The following STAT5B variants were observed in gnomAD, a reference collection of about 807,000 sequenced individuals.
STAT5B encodes the protein signal transducer and activator of transcription 5B.
A neutral mutation model predicts 107.8 loss-of-function variants in STAT5B; 21 were observed. That is an observed-to-expected ratio of 0.19 (90% CI 0.14 to 0.28). The LOEUF is 0.28. STAT5B is among the 10% of genes least tolerant of loss of function. STAT5B has a pLI of 1.00. For missense variants in STAT5B, 565 were observed against 1,008.2 expected, an observed-to-expected ratio of 0.56 and a Z score of 5.95; for synonymous variants, 325 against 401.7, an observed-to-expected ratio of 0.81 and a Z score of 2.28.
intron 3 of STAT5B, among the ~76,000 whole-genome samples, chr17:42,226,970 C>G (rs1216675486): frequency 5.6e-5 from 8 of 143,478 alleles, no homozygotes; most frequent in Admixed American, 5.0e-4. Context: ...ACTAAAAATA[C>G]CAAAAAAAAA....
intron 17 of STAT5B, 78 bp from the exon 18 acceptor site, chr17:42,202,525 C>A (rs2080053774): frequency 6.5e-7 from 1 of 1,537,354 alleles, no homozygotes; most frequent in Non-Finnish European, 8.9e-7. Flanking sequence ...CAAGGGGTAT[C>A]TTTGTCTTTC....
intron 1 of STAT5B, among the ~76,000 whole-genome samples, chr17:42,243,400 T>A (rs2080422123): frequency 6.6e-6 from 1 of 152,076 alleles, no homozygotes; most frequent in Non-Finnish European, 1.5e-5. Flanking sequence ...CATTATATCA[T>A]TATATATTAG....
chr17:42,257,448 G>C (rs2080556028), intron 1 of STAT5B, among the ~76,000 whole-genome samples: 1 of 152,188 alleles, frequency 6.6e-6, no homozygotes, highest in Non-Finnish European at 1.5e-5. Context: ...CAGAACATCT[G>C]TTCATCCCTG....
At chr17:42,243,635 T>G (rs992326869) in intron 1 of STAT5B, among the ~76,000 whole-genome samples, 1 of 152,186 alleles carries the variant, frequency 6.6e-6, no homozygotes, top group East Asian at 1.9e-4. Flanking sequence ...GTGAAGTATA[T>G]GCGAGTACTC....
intron 1 of STAT5B, among the ~76,000 whole-genome samples, chr17:42,255,978 C>T (rs1185473253): frequency 6.6e-6 from 1 of 152,114 alleles, no homozygotes; most frequent in African/African-American, 2.4e-5. Context: ...ATCCCAGCTA[C>T]TCAGGAGGCT....
intron 1 of STAT5B, among the ~76,000 whole-genome samples, chr17:42,264,941 C>T (rs1476913038): frequency 8.9e-4 from 105 of 118,080 alleles, no homozygotes; most frequent in African/African-American, 3.5e-3. Context: ...TTTTGATTTG[C>T]ATTTCTCTGA....
rs2080170811 is a variant in STAT5B, at chr17:42,216,218, T to A, written c.1381-112A>T. The A allele has an allele frequency of 3.2e-6, 3 of 937,656 alleles. No individual in the cohort carries two copies. In the East Asian group the frequency reaches 7.9e-5, roughly 25 times the overall value. 58.1% of individuals were successfully genotyped at this position (937,656 alleles called of 1,614,324 possible). ...CTTTTATTTTCCAAGTTTCAGTTAA[T>A]GTTCCTCTCAGACACAGAATCTAAA... is the stretch of plus-strand genomic sequence containing the variant. On this transcript the variant is annotated intron_variant, in intron 11 of 18. Coordinates refer to ENST00000293328, the MANE Select transcript of STAT5B (RefSeq NM_012448.4).
intron 11 of STAT5B, 36 bp downstream of exon 11, chr17:42,217,124 C>A (rs377565307): frequency 2.5e-6 from 4 of 1,593,398 alleles, no homozygotes; most frequent in African/African-American, 1.4e-5. Flanking sequence ...CACACACACA[C>A]GCACACGCAC....
chr17:42,223,591 G>T, intron 4 of STAT5B, 35 bp from the exon 5 acceptor site: 2 of 1,609,784 alleles, frequency 1.2e-6, no homozygotes, highest in Non-Finnish European at 1.7e-6. Flanking sequence ...AAGGCAGTGC[G>T]AATGGGAGGA....
chr17:42,199,254 T>C lies in STAT5B; in HGVS notation c.*2484A>G, dbSNP rs1273180846. 6.6e-6 allele frequency: 1 copy of C among 151,662 alleles called. No individual in the cohort carries two copies. Among genetic ancestry groups the C allele is most frequent in the Non-Finnish European group, 1.5e-5 (1 of 68,038 alleles). The allele number at this position is 151,662 out of a possible 1,614,324, so 9.4% of individuals were successfully genotyped here. A position where few individuals can be genotyped will look rare whatever the true frequency, so the allele number is the denominator to read the frequency against. Reference sequence around the variant, plus strand: ...TAACTCTGCATAGGATATATTTCTTTTTTTTGAGGCAGAGTCAAATTTGAG... The same window carrying C: ...TAACTCTGCATAGGATATATTTCTTCTTTTTGAGGCAGAGTCAAATTTGAG... On this transcript the variant is annotated 3_prime_UTR_variant, in exon 19 of 19. Coordinates refer to ENST00000293328, the MANE Select transcript of STAT5B (RefSeq NM_012448.4).
chr17:42,269,683 C>G (rs1421298596), intron 1 of STAT5B: 1 of 152,174 alleles, frequency 6.6e-6, no homozygotes, highest in Non-Finnish European at 1.5e-5. Flanking sequence ...CAAGTTTATA[C>G]TCTGCACAGG....
chr17:42,223,255 C>T, intron 5 of STAT5B, 127 bp downstream of exon 5: 1 of 1,384,472 alleles, frequency 7.2e-7, no homozygotes. Context: ...CAAATAAGTC[C>T]CTGCTACTCA....
intron 5 of STAT5B, 91 bp from the exon 6 acceptor site, chr17:42,219,933 C>T (rs1246713569): frequency 3.0e-5 from 47 of 1,589,624 alleles, no homozygotes; most frequent in Admixed American, 2.3e-4. Context: ...GGAGCGAGAC[C>T]CTCCTGGGCT....
intron 1 of STAT5B, among the ~76,000 whole-genome samples, chr17:42,262,970 G>GTGTATA (rs2080626695): frequency 2.3e-3 from 49 of 20,926 alleles, no homozygotes; most frequent in Non-Finnish European, 3.3e-3. Flanking sequence ...GTGTGTGTGT[G>GTGTATA]TATATATATA....
chr17:42,246,511 A>G (rs2080452899), intron 1 of STAT5B, among the ~76,000 whole-genome samples: 2 of 152,188 alleles, frequency 1.3e-5, no homozygotes, highest in Admixed American at 1.3e-4. Flanking sequence ...TAATTCTGAC[A>G]TATATTTATA....
chr17:42,223,551 G>T lies in STAT5B; in HGVS notation c.381C>A (p.Ser127Arg). The T allele has an allele frequency of 6.2e-7, 1 of 1,614,134 alleles. No individual in the cohort carries two copies. Among genetic ancestry groups the T allele is most frequent in the Non-Finnish European group, 8.5e-7 (1 of 1,180,002 alleles). ...CATCAGCAAGGCTTCCAGCTGGAGA[G>T]CTACCCTGGGAACATATGGGGGGCA... is the stretch of plus-strand genomic sequence containing the variant. Reference protein sequence around the residue: ...QRLVREANNGSSPAGSLADAM... With the variant: ...QRLVREANNGRSPAGSLADAM... Residue 127 changes from serine (S) to arginine (R), a missense_variant, in exon 5 of 19, where the codon AGC becomes AGA. Physicochemically the swap from Ser to Arg is moderately radical, Grantham distance 110. Around this residue, in one of 11 missense-constraint regions of STAT5B, gnomAD observed 54 missense variants for 49.7 expected, o/e 1.09. Transcript: ENST00000293328.
chr17:42,248,274 A>C (rs1349238074), intron 1 of STAT5B, among the ~76,000 whole-genome samples: 1 of 65,974 alleles, frequency 1.5e-5, no homozygotes, highest in East Asian at 4.8e-4. Context: ...GATCTTGTCC[A>C]AAAAAAAAAA....
chr17:42,263,858 T>C (rs1244645333), intron 1 of STAT5B, among the ~76,000 whole-genome samples: 2 of 124,468 alleles, frequency 1.6e-5, no homozygotes, highest in African/African-American at 3.1e-5. Context: ...AATGGAAAGA[T>C]ACTAGAAAGC....
chr17:42,260,894 G>GT (rs1421096327), intron 1 of STAT5B, among the ~76,000 whole-genome samples: 1 of 149,520 alleles, frequency 6.7e-6, no homozygotes, highest in Non-Finnish European at 1.5e-5. Flanking sequence ...TTATTGCTTA[G>GT]TTTCCTAGTT....
Sources: gnomAD v4.1 joint callset for allele counts (sites outside exome capture counted in the v4.1 genomes callset) on GRCh38, gnomAD v4.1.1 for gene constraint, gnomAD v4.1.1 regional missense constraint, MANE v1.5 for transcripts, NCBI Gene and HGNC (gene_info 2026-07-23, HGNC 2026-07-21) for gene names.